The following DIAPH1 variants were observed in gnomAD, a reference collection of about 807,000 sequenced individuals.
The protein encoded by DIAPH1 is diaphanous related formin 1, also known as protein diaphanous homolog 1.
Under a neutral mutation model 140.7 loss-of-function variants are expected in DIAPH1, and 46 were observed. The observed-to-expected ratio is 0.33, with a 90% CI of 0.26 to 0.42. DIAPH1 has a LOEUF of 0.42. Among genes scored for constraint, DIAPH1 ranks in the 10% least tolerant of loss-of-function variants. DIAPH1 has a pLI of 1.00. For synonymous variants in DIAPH1, 565 were observed against 551.6 expected, an observed-to-expected ratio of 1.02 and a Z score of -0.34; for missense variants, 1,310 against 1,558.7, an observed-to-expected ratio of 0.84 and a Z score of 2.69.
intron 18 of DIAPH1, among the ~76,000 whole-genome samples, chr5:141,544,637 C>T (rs1005367146): frequency 6.6e-6 from 1 of 152,162 alleles, no homozygotes; most frequent in Non-Finnish European, 1.5e-5. Flanking sequence ...ATCAGTAAGT[C>T]ATGAAAACTA....
At chr5:141,551,215 C>T (rs909902609) in intron 18 of DIAPH1, among the ~76,000 whole-genome samples, 1 of 152,124 alleles carries the variant, frequency 6.6e-6, no homozygotes, top group African/African-American at 2.4e-5. Context: ...TTTGGAAGGC[C>T]AAGGAGGAAG....
intron 1 of DIAPH1, among the ~76,000 whole-genome samples, chr5:141,603,898 T>G (rs922280654): frequency 6.6e-6 from 1 of 152,118 alleles, no homozygotes; most frequent in Non-Finnish European, 1.5e-5. Context: ...GCCCTGCAAC[T>G]GGCAGCCGGC....
At chr5:141,614,488 A>AT (rs2099902341) in intron 1 of DIAPH1, among the ~76,000 whole-genome samples, 1 of 152,122 alleles carries the variant, frequency 6.6e-6, no homozygotes, top group Non-Finnish European at 1.5e-5. Context: ...AAATTAAATC[A>AT]TGTCTCACTA....
chr5:141,596,713 G>A (rs2099899377), intron 1 of DIAPH1, among the ~76,000 whole-genome samples: 1 of 152,238 alleles, frequency 6.6e-6, no homozygotes, highest in Non-Finnish European at 1.5e-5. Flanking sequence ...ATTGGATGGT[G>A]CTGTCCTACA....
At chr5:141,592,487 T>TAACAACAAC (rs200242814) in intron 1 of DIAPH1, among the ~76,000 whole-genome samples, 5 of 143,992 alleles carry the variant, frequency 3.5e-5, no homozygotes, top group East Asian at 2.1e-4. Flanking sequence ...CATGACAAGT[T>TAACAACAAC]AACAACAACA....
At chr5:141,586,777 C>T (rs970757794) in intron 3 of DIAPH1, among the ~76,000 whole-genome samples, 11 of 152,210 alleles carry the variant, frequency 7.2e-5, no homozygotes, top group African/African-American at 2.7e-4. Context: ...TGGTCCACTA[C>T]GTCTTTGTGG....
chr5:141,594,910 G>A (rs1393154545), intron 1 of DIAPH1, among the ~76,000 whole-genome samples: 3 of 151,234 alleles, frequency 2.0e-5, no homozygotes, highest in Non-Finnish European at 2.9e-5. Context: ...GCATGGTGGC[G>A]GGTGCCTGTA....
rs2099885690 is a variant in DIAPH1 at position 141,516,422 on chromosome 5, T to C, written c.*429A>G. The C allele has an allele frequency of 3.8e-6, 1 of 265,540 alleles. No individual in the cohort carries two copies. Among genetic ancestry groups the C allele is most frequent in the Admixed American group, 4.9e-5 (1 of 20,370 alleles). 16.4% of individuals were successfully genotyped at this position (265,540 alleles called of 1,614,324 possible). A position where few individuals can be genotyped will look rare whatever the true frequency, so the allele number is the denominator to read the frequency against. On this transcript the variant is annotated 3_prime_UTR_variant, in exon 28 of 28. Transcript: ENST00000389054. ...CTAGCCCAAAGGTTTACAAGCCCCA[T>C]GCTATTCTCAGGGCCAGAGAAACCA...
intron 18 of DIAPH1, among the ~76,000 whole-genome samples, chr5:141,547,264 G>C (rs982686593): frequency 6.6e-6 from 1 of 152,200 alleles, no homozygotes; most frequent in African/African-American, 2.4e-5. Context: ...AGGAGATCAA[G>C]ACCATCCTGG....
chr5:141,586,914 T>C, intron 3 of DIAPH1, 128 bp downstream of exon 3: 1 of 970,968 alleles, frequency 1.0e-6, no homozygotes, highest in Non-Finnish European at 1.6e-6. Flanking sequence ...GGGTTAATAT[T>C]AAAAAGTTCC....
intron 1 of DIAPH1, among the ~76,000 whole-genome samples, chr5:141,616,417 G>A (rs188093173): frequency 6.6e-6 from 1 of 152,266 alleles, no homozygotes; most frequent in Admixed American, 6.5e-5. Flanking sequence ...GAGTTCCAGA[G>A]GACACATACT....
At position 141,587,097 on chromosome 5, in the gene DIAPH1, T is replaced by C. The variant is rs2154596690; in HGVS notation, c.245A>G (p.Gln82Arg). The C allele has an allele frequency of 6.2e-7, 1 of 1,614,184 alleles. No individual in the cohort carries two copies. The highest frequency in any genetic ancestry group is 2.2e-5 in the East Asian group (1 of 44,876). Residue 82 changes from glutamine (Q) to arginine (R), a missense_variant, in exon 3 of 28, where the codon CAG becomes CGG. Physicochemically the swap from Gln to Arg is conservative, Grantham distance 43 (BLOSUM62 1). Transcript: ENST00000389054. ...SASYGDDPTA[Q>R]SLQDVSDEQV... ...TTCATCTGAAACATCTTGCAATGAC[T>C]GTGCTGTGGGATCATCCCCATATGA...
chr5:141,565,125 A>G lies in DIAPH1; in HGVS notation c.2482+6303T>C, dbSNP rs542161700. 6.6e-6 allele frequency: 1 copy of G among 152,326 alleles called. No homozygotes were observed. Among genetic ancestry groups the G allele is most frequent in the African/African-American group, 2.4e-5 (1 of 41,578 alleles). The allele number at this position is 152,326 out of a possible 1,614,324, so 9.4% of individuals were successfully genotyped here. A position where few individuals can be genotyped will look rare whatever the true frequency, so the allele number is the denominator to read the frequency against. On this transcript the variant is annotated intron_variant, in intron 18 of 27. Transcript: ENST00000389054. This position sits in a 1 kb window ranked among gnomAD's most constrained non-coding sequence, Gnocchi z 4.3. ...AAAACTTATTTGTATTATATGACAGAATACAACTATCAGAAATAATGACAC... is the reference window on the plus strand; with the variant it reads ...AAAACTTATTTGTATTATATGACAGGATACAACTATCAGAAATAATGACAC...
At chr5:141,570,386 C>T (rs531418578) in intron 18 of DIAPH1, among the ~76,000 whole-genome samples, 16 of 152,226 alleles carry the variant, frequency 1.1e-4, no homozygotes, top group Admixed American at 2.6e-4. Flanking sequence ...GAATTAATCC[C>T]TTAGGCTGGA....
At chr5:141,527,544 A>T in intron 24 of DIAPH1, 29 bp downstream of exon 24, 1 of 1,613,222 alleles carries the variant, frequency 6.2e-7, no homozygotes, top group South Asian at 1.1e-5. Flanking sequence ...CTTCCTAGGG[A>T]ACAACTCCCT....
intron 1 of DIAPH1, 24 bp downstream of exon 1, chr5:141,618,774 G>A: frequency 6.6e-7 from 1 of 1,511,934 alleles, no homozygotes. Context: ...GGCCAGGCAG[G>A]AGCGGGATGG....
At position 141,573,996 on chromosome 5, in the gene DIAPH1, T is replaced by TGGAGGA. The variant is rs3075570; in HGVS notation, c.1848_1853dup (p.Pro619_Pro620dup). On this transcript the variant is annotated inframe_insertion, in exon 16 of 28. Transcript: ENST00000389054. ...TGCAAACACCCCCAGGCAAAGGAGG[T>TGGAGGA]GGAGGAGGAGGAGGAGGAGGAGGAG... The TGGAGGA allele has an allele frequency of 0.025, 37,383 of 1,511,212 alleles. 190 individuals are homozygous for TGGAGGA. The highest frequency in any genetic ancestry group is 0.044 in the East Asian group (1,753 of 39,694). 93.6% of individuals were successfully genotyped at this position (1,511,212 alleles called of 1,614,324 possible).
chr5:141,528,923 G>C lies in DIAPH1; in HGVS notation c.2797C>G (p.Leu933Val). ...AGAATGGCATTGAGGCGAGGCCGCA[G>C]TCGGGGCACAGTGCCCATCTAGTAA... ...FGVVMGTVPR[L>V]RPRLNAILFK... The change falls in exon 22 of 28, where the codon CTG becomes GTG. Residue 933 changes from leucine (L) to valine (V), a missense_variant. By Grantham distance (32) the Leu-to-Val change is conservative. Coordinates refer to ENST00000389054, the MANE Select transcript of DIAPH1 (RefSeq NM_005219.5). The C allele has an allele frequency of 6.2e-7, 1 of 1,613,938 alleles. No individual in the cohort carries two copies. The highest frequency in any genetic ancestry group is 8.5e-7 in the Non-Finnish European group (1 of 1,180,048).
At chr5:141,536,125 C>T in intron 18 of DIAPH1, 1 of 412,416 alleles carries the variant, frequency 2.4e-6, no homozygotes, top group Non-Finnish European at 5.1e-6. Context: ...CATGGCAAAA[C>T]CCTGTCTCTA....
Sources: gnomAD v4.1 joint callset for allele counts (sites outside exome capture counted in the v4.1 genomes callset) on GRCh38, gnomAD v4.1.1 for gene constraint, Gnocchi (gnomAD v3.1) non-coding constraint, MANE v1.5 for transcripts, NCBI Gene and HGNC (gene_info 2026-07-23, HGNC 2026-07-21) for gene names.